Variants in RNF169 observed in about 807,000 individuals in gnomAD.
The protein encoded by RNF169 is E3 ubiquitin-protein ligase RNF169.
Under a neutral mutation model 53.9 loss-of-function variants are expected in RNF169, and 24 were observed. The ratio of observed to expected loss-of-function variants is 0.45; its 90% CI spans 0.32 to 0.63. The LOEUF (loss-of-function observed/expected upper bound fraction) is 0.63. RNF169 is among the 20% of genes least tolerant of loss of function. The pLI is 0.04. For synonymous variants in RNF169, 396 were observed against 363.5 expected, an observed-to-expected ratio of 1.09 and a Z score of -1.02; for missense variants, 883 against 906.2, an observed-to-expected ratio of 0.97 and a Z score of 0.33.
Position 74,749,063 on chromosome 11 carries a change from GC to G in RNF169, c.184del (p.Arg62GlyfsTer116). 6.8e-7 allele frequency: 1 copy of G among 1,466,612 alleles called. No individual in the cohort carries two copies. The highest frequency in any genetic ancestry group is 9.0e-7 in the Non-Finnish European group (1 of 1,108,112). 90.8% of individuals were successfully genotyped at this position (1,466,612 alleles called of 1,614,324 possible). A position where few individuals can be genotyped will look rare whatever the true frequency, so the allele number is the denominator to read the frequency against. On this transcript the variant is annotated frameshift_variant, in exon 1 of 6. Transcript: ENST00000299563. LOFTEE classifies it high-confidence loss of function. Reference protein sequence around the residue: ...PPLLQPPLPPRPEESGCAGCL... With the variant: ...PPLLQPPLPPXPEESGCAGCL... ...CGTTGCTGCAGCCGCCGCTGCCGCCGCGGCCGGAGGAATCGGGCTGCGCCGG... is the reference window on the plus strand; with the variant it reads ...CGTTGCTGCAGCCGCCGCTGCCGCCGGGCCGGAGGAATCGGGCTGCGCCGG...
chr11:74,806,744 T>A (rs1205703527), intron 2 of RNF169, among the ~76,000 whole-genome samples: 2 of 151,504 alleles, frequency 1.3e-5, no homozygotes, highest in African/African-American at 2.4e-5. Context: ...GGTAAAATGA[T>A]TTTTTTTGGT....
At chr11:74,788,042 C>G (rs750375484) in intron 1 of RNF169, among the ~76,000 whole-genome samples, 2 of 151,802 alleles carry the variant, frequency 1.3e-5, no homozygotes, top group East Asian at 1.9e-4. Context: ...TAGTTGCAAT[C>G]GACAGAAATC....
intron 4 of RNF169, among the ~76,000 whole-genome samples, chr11:74,828,662 A>C (rs1275359400): frequency 6.6e-6 from 1 of 152,230 alleles, no homozygotes; most frequent in African/African-American, 2.4e-5. Flanking sequence ...CCAATGGAAC[A>C]GAATAGAGAA....
At chr11:74,750,978 G>A (rs550968516) in intron 1 of RNF169, among the ~76,000 whole-genome samples, 2 of 146,370 alleles carry the variant, frequency 1.4e-5, no homozygotes, top group South Asian at 2.2e-4. Flanking sequence ...AGGTTCAAGC[G>A]ATTCTCCTGC....
chr11:74,765,662 TGTG>T (rs1169636336), intron 1 of RNF169, among the ~76,000 whole-genome samples: 1 of 150,952 alleles, frequency 6.6e-6, no homozygotes, highest in African/African-American at 2.4e-5. Context: ...ATTAGCCAAG[TGTG>T]GTGGTGGGTG....
At chr11:74,785,965 A>T (rs2035495445) in intron 1 of RNF169, among the ~76,000 whole-genome samples, 1 of 141,350 alleles carries the variant, frequency 7.1e-6, no homozygotes, top group Non-Finnish European at 1.5e-5. Context: ...TTTTTGAGAC[A>T]GAGTCTTGTT....
chr11:74,749,468 G>C lies in RNF169; in HGVS notation c.502+86G>C, dbSNP rs536281277. 34 of 1,090,842 alleles carry C rather than the reference G, an allele frequency of 3.1e-5. No individual in the cohort carries two copies. The East Asian group carries it at 1.0e-3, about 32-fold the overall frequency. 67.6% of individuals were successfully genotyped at this position (1,090,842 alleles called of 1,614,324 possible). A position where few individuals can be genotyped will look rare whatever the true frequency, so the allele number is the denominator to read the frequency against. On this transcript the variant is annotated intron_variant, in intron 1 of 5. Coordinates refer to ENST00000299563, the MANE Select transcript of RNF169 (RefSeq NM_001098638.2). ...CTGGTGAGGGGGTGGAGAGTCCCGG[G>C]CCCTACTCGGGCGGGTGTGGAGAGT...
rs961243645 is a variant in RNF169 at position 74,785,948 on chromosome 11, T to C, written c.503-3678T>C. Among the ~76,000 whole-genome samples, 19 of 150,086 alleles carry C rather than the reference T, an allele frequency of 1.3e-4. No homozygotes were observed. The South Asian group carries it at 3.4e-3, about 27-fold the overall frequency. On this transcript the variant is annotated intron_variant, in intron 1 of 5. Transcript: ENST00000299563. Reference sequence around the variant, plus strand: ...TTATCTTTGTTTTCTTTTCTTTTTTTTTTTTTTTTTTGAGACAGAGTCTTG... The same window carrying C: ...TTATCTTTGTTTTCTTTTCTTTTTTCTTTTTTTTTTTGAGACAGAGTCTTG...
At chr11:74,778,144 T>C (rs2035363738) in intron 1 of RNF169, among the ~76,000 whole-genome samples, 1 of 152,240 alleles carries the variant, frequency 6.6e-6, no homozygotes, top group Non-Finnish European at 1.5e-5. Context: ...TCCCTAGTTA[T>C]TTAAAACTAT....
intron 2 of RNF169, among the ~76,000 whole-genome samples, chr11:74,795,634 G>C (rs918009320): frequency 6.6e-6 from 1 of 152,230 alleles, no homozygotes; most frequent in Non-Finnish European, 1.5e-5. Context: ...ACTGAGGCAG[G>C]AGGATCTCTT....
intron 2 of RNF169, among the ~76,000 whole-genome samples, chr11:74,798,223 G>A (rs1166787356): frequency 1.3e-5 from 2 of 152,222 alleles, no homozygotes; most frequent in Non-Finnish European, 2.9e-5. Flanking sequence ...GGTGAGCCGG[G>A]TGGAACAGAG....
chr11:74,768,700 A>G (rs993082517), intron 1 of RNF169, among the ~76,000 whole-genome samples: 3 of 152,090 alleles, frequency 2.0e-5, no homozygotes, highest in Non-Finnish European at 4.4e-5. Flanking sequence ...GAGTAGAGAA[A>G]GGCTTTCAAA....
intron 2 of RNF169, among the ~76,000 whole-genome samples, chr11:74,804,208 T>C (rs2035773226): frequency 1.3e-5 from 2 of 152,108 alleles, no homozygotes; most frequent in African/African-American, 4.8e-5. Flanking sequence ...TGTGTGTGAG[T>C]GTGCCCTGTG....
chr11:74,793,755 AT>A (rs1443173121), intron 2 of RNF169, among the ~76,000 whole-genome samples: 10 of 152,180 alleles, frequency 6.6e-5, no homozygotes, highest in East Asian at 1.9e-4. Flanking sequence ...ATATATTTAG[AT>A]TTTTTTCTTT....
intron 1 of RNF169, among the ~76,000 whole-genome samples, chr11:74,752,552 A>G (rs189289815): frequency 6.5e-4 from 98 of 151,178 alleles, no homozygotes; most frequent in African/African-American, 2.3e-3. Context: ...AGCTGACATC[A>G]TGCCACTGCA....
chr11:74,840,136 A>G lies in RNF169; in HGVS notation c.*3406A>G, dbSNP rs1472686442. 6.6e-6 allele frequency: 1 copy of G among 152,214 alleles called. No individual in the cohort carries two copies. The highest frequency in any genetic ancestry group is 1.5e-5 in the Non-Finnish European group (1 of 68,048). 9.4% of individuals were successfully genotyped at this position (152,214 alleles called of 1,614,324 possible). A position where few individuals can be genotyped will look rare whatever the true frequency, so the allele number is the denominator to read the frequency against. ...CCGTGCCTGACTCATGTAGCTGATG[A>G]CCGAAGGCTCATCCTTTCTTTTCTA... On this transcript the variant is annotated 3_prime_UTR_variant, in exon 6 of 6. Coordinates refer to ENST00000299563, the MANE Select transcript of RNF169 (RefSeq NM_001098638.2).
At chr11:74,755,636 A>G (rs150400952) in intron 1 of RNF169, among the ~76,000 whole-genome samples, 40 of 152,360 alleles carry the variant, frequency 2.6e-4, no homozygotes, top group Middle Eastern at 3.4e-3. Context: ...GAGTAGAGGA[A>G]TGGGCTGACT....
chr11:74,763,288 G>T (rs551879779), intron 1 of RNF169, among the ~76,000 whole-genome samples: 2 of 152,250 alleles, frequency 1.3e-5, no homozygotes, highest in East Asian at 3.9e-4. Flanking sequence ...GAAGAAATAA[G>T]CCCAACTGAA....
chr11:74,811,079 G>A (rs1357188375), intron 3 of RNF169, among the ~76,000 whole-genome samples: 1 of 151,946 alleles, frequency 6.6e-6, no homozygotes, highest in Admixed American at 6.6e-5. Flanking sequence ...CTGGTCAGCT[G>A]GAATCGATAA....
Sources: gnomAD v4.1 joint callset for allele counts (sites outside exome capture counted in the v4.1 genomes callset) on GRCh38, gnomAD v4.1.1 for gene constraint, MANE v1.5 for transcripts, NCBI Gene and HGNC (gene_info 2026-07-23, HGNC 2026-07-21) for gene names.